CHST15: variants seen among roughly 807,000 people sequenced by gnomAD.
CHST15 encodes carbohydrate sulfotransferase 15, also known as B cell RAG associated protein (GALNAC4S-6ST).
Under a neutral mutation model 53.6 loss-of-function variants are expected in CHST15, and 30 were observed. The observed-to-expected ratio is 0.56, with a 90% CI of 0.42 to 0.76. CHST15 has a LOEUF of 0.76. CHST15 is among the 30% of genes least tolerant of loss of function. The probability of loss-of-function intolerance (pLI) is 0.00; values close to 1 mark genes in which losing one functional copy is unlikely to be tolerated. For synonymous variants in CHST15, 296 were observed against 289.8 expected (o/e 1.02, Z -0.22); for missense variants, 627 against 740.5 (o/e 0.85, Z 1.78).
intron 7 of CHST15, chr10:124,010,980 T>G: frequency 2.0e-6 from 2 of 982,344 alleles, no homozygotes; most frequent in Non-Finnish European, 2.4e-6. Context: ...CCCTCTGGAG[T>G]GAGGCGAGGC....
chr10:124,011,194 T>C, intron 7 of CHST15: 1 of 804,680 alleles, frequency 1.2e-6, no homozygotes, highest in South Asian at 5.6e-5. Context: ...AACCCATCAC[T>C]GCTCAAGCCT....
intron 1 of CHST15, among the ~76,000 whole-genome samples, chr10:124,091,276 T>C (rs949440116): frequency 6.6e-6 from 1 of 152,236 alleles, no homozygotes; most frequent in Non-Finnish European, 1.5e-5. Context: ...ATTCAGTTTG[T>C]AAAATTAGTA....
intron 1 of CHST15, among the ~76,000 whole-genome samples, chr10:124,085,726 T>G (rs1393580727): frequency 1.3e-5 from 2 of 151,586 alleles, no homozygotes; most frequent in African/African-American, 2.4e-5. Flanking sequence ...AGGGTCAAGG[T>G]TGAGAAATAC....
chr10:124,039,405 T>C lies in CHST15; in HGVS notation c.1034-734A>G, dbSNP rs77103058. ...GGAGAAAGGAGGAGGGTGGGAACAC[T>C]AACCCTTATGAGGAATTTGAGTGTG... On this transcript the variant is annotated intron_variant, in intron 4 of 7. Transcript: ENST00000435907. Among the ~76,000 whole-genome samples, 320 of 152,340 alleles carry C rather than the reference T, an allele frequency of 2.1e-3. 1 individual carries two copies. The highest frequency in any genetic ancestry group is 7.4e-3 in the African/African-American group (306 of 41,580).
Position 124,042,826 on chromosome 10 carries a change from GC to G in CHST15, c.887-380del, listed in dbSNP as rs1364700255. On this transcript the variant is annotated intron_variant, in intron 3 of 7. Coordinates refer to ENST00000435907, the MANE Select transcript of CHST15 (RefSeq NM_001270764.2). ...GCTGGGCAGCGATGACACCCAGGAT[GC>G]ATGTGTTGTGTCAAACAGGGAGAGA... is the stretch of plus-strand genomic sequence containing the variant. Among the ~76,000 whole-genome samples the G allele has an allele frequency of 2.6e-5, 4 of 152,162 alleles. No individual in the cohort carries two copies. The South Asian group carries it at 8.3e-4, about 32-fold the overall frequency.
intron 7 of CHST15, chr10:124,011,126 A>T: frequency 2.1e-6 from 2 of 969,948 alleles, no homozygotes; most frequent in Non-Finnish European, 2.4e-6. Flanking sequence ...GCCCTGAAAC[A>T]GAACAGCAAG....
At chr10:124,015,696 C>T (rs1364482956) in intron 6 of CHST15, among the ~76,000 whole-genome samples, 1 of 152,234 alleles carries the variant, frequency 6.6e-6, no homozygotes, top group Non-Finnish European at 1.5e-5. Flanking sequence ...TGCCAGGCAC[C>T]CTGCTAGGCA....
chr10:124,074,413 G>A lies in CHST15; in HGVS notation c.-513+19056C>T, dbSNP rs1949013356. Among the ~76,000 whole-genome samples, 1 of 152,066 alleles carries A rather than the reference G, an allele frequency of 6.6e-6. No homozygotes were observed. The highest frequency in any genetic ancestry group is 1.5e-5 in the Non-Finnish European group (1 of 68,042). On this transcript the variant is annotated intron_variant, in intron 1 of 7. Coordinates refer to ENST00000435907, the MANE Select transcript of CHST15 (RefSeq NM_001270764.2). This position sits in a 1 kb window ranked among gnomAD's most constrained non-coding sequence, Gnocchi z 4.4. Reference sequence around the variant, plus strand: ...AAGGGCACAATTCAGGTGGCAGGTAGGGGCGGGGGCCTAGTTGGGAGCATC... The same window carrying A: ...AAGGGCACAATTCAGGTGGCAGGTAAGGGCGGGGGCCTAGTTGGGAGCATC...
chr10:124,066,449 G>T lies in CHST15; in HGVS notation c.-512-19725C>A, dbSNP rs561936711. The stretch of plus-strand genomic sequence containing the variant: ...ACCCACACCTCCTCTTATGTAACTG[G>T]CTGGGGGAAAGAAAAAAAAAAACGA... On this transcript the variant is annotated intron_variant, in intron 1 of 7. Transcript: ENST00000435907. 7.9e-5 allele frequency among the ~76,000 whole-genome samples: 11 copies of T among 140,036 alleles called. No homozygotes were observed. The South Asian group carries it at 1.7e-3, about 22-fold the overall frequency. The allele number at this position is 140,036 out of a possible 152,430, so 91.9% of individuals were successfully genotyped here.
intron 5 of CHST15, among the ~76,000 whole-genome samples, chr10:124,022,048 C>CG (rs999288141): frequency 1.3e-5 from 2 of 152,240 alleles, no homozygotes; most frequent in Non-Finnish European, 2.9e-5. Context: ...ACCACACACA[C>CG]GTATGGCAGA....
intron 7 of CHST15, chr10:124,011,195 G>T: frequency 3.7e-6 from 3 of 805,488 alleles, no homozygotes; most frequent in Non-Finnish European, 4.5e-6. Flanking sequence ...ACCCATCACT[G>T]CTCAAGCCTC....
At chr10:124,058,362 A>AGGTCCCTTCTTGAAGGC (rs1948451634) in intron 1 of CHST15, among the ~76,000 whole-genome samples, 1 of 152,234 alleles carries the variant, frequency 6.6e-6, no homozygotes, top group Non-Finnish European at 1.5e-5. Flanking sequence ...GGATCATGCT[A>AGGTCCCTTCTTGAAGGC]GGTCCCTTCT....
chr10:124,027,356 G>C (rs1947052960), intron 5 of CHST15, among the ~76,000 whole-genome samples: 1 of 152,230 alleles, frequency 6.6e-6, no homozygotes, highest in African/African-American at 2.4e-5. Flanking sequence ...GGACAAAGGA[G>C]AGGCCAGCAG....
intron 7 of CHST15, chr10:124,010,984 G>A (rs1465848941): frequency 3.0e-6 from 3 of 984,338 alleles, no homozygotes; most frequent in Non-Finnish European, 3.6e-6. Context: ...CTGGAGTGAG[G>A]CGAGGCCCTG....
chr10:124,014,447 G>A (rs1946519755), intron 6 of CHST15, among the ~76,000 whole-genome samples: 1 of 152,182 alleles, frequency 6.6e-6, no homozygotes, highest in Non-Finnish European at 1.5e-5. Flanking sequence ...TTCATTAGCT[G>A]TTTCCAACCC....
intron 5 of CHST15, among the ~76,000 whole-genome samples, chr10:124,032,295 A>T (rs1308172360): frequency 6.6e-6 from 1 of 152,234 alleles, no homozygotes; most frequent in Non-Finnish European, 1.5e-5. Flanking sequence ...CAGAATGGGA[A>T]AATGAACCAT....
intron 1 of CHST15, among the ~76,000 whole-genome samples, chr10:124,075,612 T>C (rs891907383): frequency 6.6e-6 from 1 of 151,850 alleles, no homozygotes; most frequent in Non-Finnish European, 1.5e-5. Flanking sequence ...GAGCACAGCA[T>C]CCACCCCCTA....
At chr10:124,026,250 G>A (rs1271814332) in intron 5 of CHST15, among the ~76,000 whole-genome samples, 1 of 152,152 alleles carries the variant, frequency 6.6e-6, no homozygotes, top group African/African-American at 2.4e-5. Context: ...GGAGCACTGA[G>A]ACGGGGGAGC....
At chr10:124,064,170 C>T (rs1214073286) in intron 1 of CHST15, among the ~76,000 whole-genome samples, 4 of 151,880 alleles carry the variant, frequency 2.6e-5, no homozygotes, top group Non-Finnish European at 5.9e-5. Context: ...TCCTCCTGGG[C>T]TAAAACGAAA....
Sources: allele counts gnomAD v4.1 joint callset (sites outside exome capture counted in the v4.1 genomes callset), GRCh38; gene constraint gnomAD v4.1.1; non-coding constraint Gnocchi (gnomAD v3.1); transcripts MANE v1.5; gene names NCBI Gene and HGNC (gene_info 2026-07-23, HGNC 2026-07-21).